The following KCNQ1 variants were observed in gnomAD, a reference collection of about 807,000 sequenced individuals.
The protein encoded by KCNQ1 is potassium voltage-gated channel subfamily KQT member 1.
Under a neutral mutation model 72.4 loss-of-function variants are expected in KCNQ1, and 49 were observed. The ratio of observed to expected loss-of-function variants is 0.68; its 90% CI spans 0.54 to 0.86. KCNQ1 has a LOEUF of 0.86. Among genes scored for constraint, KCNQ1 ranks in the 40% least tolerant of loss-of-function variants. The pLI is 0.00. For missense variants in KCNQ1, 790 were observed against 945.1 expected (o/e 0.84, Z 2.15); for synonymous variants, 450 against 412.6 (o/e 1.09, Z -1.10).
At position 2,745,982 on chromosome 11, in the gene KCNQ1, C is replaced by T. The variant is rs1452982898; in HGVS notation, c.1515-22862C>T. 2.0e-5 allele frequency among the ~76,000 whole-genome samples: 3 copies of T among 152,174 alleles called. No homozygotes were observed. The highest frequency in any genetic ancestry group is 6.5e-5 in the Admixed American group (1 of 15,286). On this transcript the variant is annotated intron_variant, in intron 11 of 15. Coordinates refer to ENST00000155840, the MANE Select transcript of KCNQ1 (RefSeq NM_000218.3). This position sits in a 1 kb window ranked among gnomAD's most constrained non-coding sequence, Gnocchi z 6.2. ...TCGGCTCACTGCAAACTCCACCTCC[C>T]GGGTTCAAGCGATTGTCTCACCTCA... is the stretch of plus-strand genomic sequence containing the variant.
intron 15 of KCNQ1, among the ~76,000 whole-genome samples, chr11:2,822,616 G>A (rs1292825893): frequency 1.3e-5 from 2 of 152,226 alleles, no homozygotes; most frequent in Non-Finnish European, 2.9e-5. Context: ...TAAGTGGAGA[G>A]GTGGGATAGT....
chr11:2,714,304 C>G (rs2411884), intron 11 of KCNQ1, among the ~76,000 whole-genome samples: 59,892 of 152,244 alleles, frequency 0.39, 12,941 homozygotes, highest in East Asian at 0.77. Context: ...GGTCAGCCCC[C>G]TCCCAGGCCC....
At chr11:2,716,739 C>T (rs1851099485) in intron 11 of KCNQ1, among the ~76,000 whole-genome samples, 1 of 152,232 alleles carries the variant, frequency 6.6e-6, no homozygotes, top group African/African-American at 2.4e-5. Context: ...GGTGCTTCTC[C>T]TTCAGGAGGT....
In KCNQ1 at chr11:2,549,820, G is replaced by A. The variant is rs1171382145; in HGVS notation, c.478-20808G>A. Among the ~76,000 whole-genome samples the A allele has an allele frequency of 6.6e-6, 1 of 152,092 alleles. No individual in the cohort carries two copies. The highest frequency in any genetic ancestry group is 2.4e-5 in the African/African-American group (1 of 41,410). ...CCTATGCGCCTCCTTCCCCATGACT[G>A]GCCCTGGGTGGCGGAGAGACCCCTG... is the stretch of plus-strand genomic sequence containing the variant. On this transcript the variant is annotated intron_variant, in intron 2 of 15. Transcript: ENST00000155840. This position sits in a 1 kb window ranked among gnomAD's most constrained non-coding sequence, Gnocchi z 6.2.
At position 2,627,232 on chromosome 11, in the gene KCNQ1, A is replaced by T. The variant is rs1849275417; in HGVS notation, c.1394-34729A>T. The T allele has an allele frequency of 1.3e-5, 5 of 398,564 alleles. No homozygotes were observed. In the East Asian group the frequency reaches 1.8e-4, roughly 14 times the overall value. The allele number at this position is 398,564 out of a possible 1,614,324, so 24.7% of individuals were successfully genotyped here. A position where few individuals can be genotyped will look rare whatever the true frequency, so the allele number is the denominator to read the frequency against. ...AAATTAAAAGTGCATATATTTAAGAACATATTTGACCTACTGTGAAATGAT... is the reference window on the plus strand; with the variant it reads ...AAATTAAAAGTGCATATATTTAAGATCATATTTGACCTACTGTGAAATGAT... On this transcript the variant is annotated intron_variant, in intron 10 of 15. Coordinates refer to ENST00000155840, the MANE Select transcript of KCNQ1 (RefSeq NM_000218.3). The surrounding 1 kb of genome is among the most constrained non-coding windows in gnomAD (Gnocchi z 4.9).
Position 2,544,471 on chromosome 11 carries a change from A to G in KCNQ1, c.477+16453A>G, listed in dbSNP as rs1197295802. 2.0e-5 allele frequency among the ~76,000 whole-genome samples: 3 copies of G among 151,872 alleles called. No individual in the cohort carries two copies. Among genetic ancestry groups the G allele is most frequent in the Admixed American group, 6.6e-5 (1 of 15,236 alleles). ...GTTATATATCTCTTATAAGGGTTAT[A>G]TATCTCATATACATATGAGGTTATA... On this transcript the variant is annotated intron_variant, in intron 2 of 15. Coordinates refer to ENST00000155840, the MANE Select transcript of KCNQ1 (RefSeq NM_000218.3). This position sits in a 1 kb window ranked among gnomAD's most constrained non-coding sequence, Gnocchi z 4.4.
At position 2,450,397 on chromosome 11, in the gene KCNQ1, TCTG is replaced by T. The variant is rs1846105129; in HGVS notation, c.386+4920_386+4922del. Among the ~76,000 whole-genome samples the T allele has an allele frequency of 6.6e-6, 1 of 152,086 alleles. No homozygotes were observed. The highest frequency in any genetic ancestry group is 6.5e-5 in the Admixed American group (1 of 15,290). ...CAGAGAAGCTTCCAGAAGCCCAACA[TCTG>T]CTGCTGGAGGGGAGAATGAGGCAAT... On this transcript the variant is annotated intron_variant, in intron 1 of 15. Coordinates refer to ENST00000155840, the MANE Select transcript of KCNQ1 (RefSeq NM_000218.3). This position sits in a 1 kb window ranked among gnomAD's most constrained non-coding sequence, Gnocchi z 7.9.
chr11:2,774,421 T>C (rs778445263), intron 12 of KCNQ1, among the ~76,000 whole-genome samples: 3 of 151,888 alleles, frequency 2.0e-5, no homozygotes, highest in Non-Finnish European at 4.4e-5. Flanking sequence ...ACGGGCCCCA[T>C]CCCAGCCCTC....
At chr11:2,847,469 AAGG>A (rs1298890592) in intron 15 of KCNQ1, among the ~76,000 whole-genome samples, 2 of 152,296 alleles carry the variant, frequency 1.3e-5, no homozygotes, top group African/African-American at 4.8e-5. Context: ...GGGAGCAGAG[AAGG>A]AGGAGAGGAG....
chr11:2,697,930 A>G (rs1423559194), intron 11 of KCNQ1: 15 of 398,652 alleles, frequency 3.8e-5, no homozygotes, highest in Non-Finnish European at 5.3e-5. Flanking sequence ...TCTCCTCAGC[A>G]TGTTAGGAAA....
In KCNQ1 at chr11:2,781,743, G is replaced by A. The variant is rs1846826255; in HGVS notation, c.1794+3706G>A. On this transcript the variant is annotated intron_variant, in intron 15 of 15. Transcript: ENST00000155840. The surrounding 1 kb of genome is among the most constrained non-coding windows in gnomAD (Gnocchi z 6.6). ...CATACTGCTTTTGCTGATATGAGGA[G>A]CACAGTGGGCTGGGAGAGTTTCTTT... 1.3e-5 allele frequency among the ~76,000 whole-genome samples: 2 copies of A among 152,364 alleles called. No individual in the cohort carries two copies. The highest frequency in any genetic ancestry group is 4.1e-4 in the South Asian group (2 of 4,832).
chr11:2,847,383 C>A (rs1399059601), intron 15 of KCNQ1, among the ~76,000 whole-genome samples: 1 of 152,228 alleles, frequency 6.6e-6, no homozygotes, highest in Admixed American at 6.5e-5. Flanking sequence ...CTGCCGCAAA[C>A]CCAAATATTT....
intron 1 of KCNQ1, among the ~76,000 whole-genome samples, chr11:2,520,360 G>T (rs1048602818): frequency 6.6e-6 from 1 of 152,216 alleles, no homozygotes; most frequent in Non-Finnish European, 1.5e-5. Flanking sequence ...GGGGCCCTCG[G>T]TGTGGGCCAG....
At position 2,847,874 on chromosome 11, in the gene KCNQ1, C is replaced by T. The variant is rs774046442; in HGVS notation, c.1902C>T (p.Gly634=). ...GCAGCGGCGGCCCCCCCAGAGAGGG[C>T]GGGGCCCACATCACCCAGCCCTGCG... The part of the protein sequence containing the change: ...TPGSGGPPRE[G]GAHITQPCGS... The change falls in exon 16 of 16, where the codon GGC becomes GGT. Residue 634 remains glycine (G), a synonymous_variant. Coordinates refer to ENST00000155840, the MANE Select transcript of KCNQ1 (RefSeq NM_000218.3). The T allele has an allele frequency of 1.7e-5, 27 of 1,578,828 alleles. No homozygotes were observed. Among genetic ancestry groups the T allele is most frequent in the East Asian group, 7.0e-5 (3 of 42,810 alleles).
At chr11:2,728,681 G>C (rs934151795) in intron 11 of KCNQ1, among the ~76,000 whole-genome samples, 10 of 152,208 alleles carry the variant, frequency 6.6e-5, no homozygotes, top group Non-Finnish European at 1.2e-4. Context: ...TTGGGCATGG[G>C]GTTCTGCTGG....
rs1158677239 is a variant in KCNQ1 at position 2,748,409 on chromosome 11, G to C, written c.1515-20435G>C. Among the ~76,000 whole-genome samples, 3 of 152,172 alleles carry C rather than the reference G, an allele frequency of 2.0e-5. No individual in the cohort carries two copies. The highest frequency in any genetic ancestry group is 4.4e-5 in the Non-Finnish European group (3 of 68,024). ...TGGGTAGATGTGGTGAGGTGTGCTG[G>C]TGGGGAGGGTCCCTATCAGATGCCC... On this transcript the variant is annotated intron_variant, in intron 11 of 15. Coordinates refer to ENST00000155840, the MANE Select transcript of KCNQ1 (RefSeq NM_000218.3). This position sits in a 1 kb window ranked among gnomAD's most constrained non-coding sequence, Gnocchi z 6.2.
At position 2,657,183 on chromosome 11, in the gene KCNQ1, G is replaced by A. The variant is rs909076677; in HGVS notation, c.1394-4778G>A. The A allele has an allele frequency of 7.5e-6, 3 of 398,636 alleles. No homozygotes were observed. Among genetic ancestry groups the A allele is most frequent in the Non-Finnish European group, 1.3e-5 (3 of 226,062 alleles). 24.7% of individuals were successfully genotyped at this position (398,636 alleles called of 1,614,324 possible). ...GTTCTCCCACCTTGTTCTTCTTCAA[G>A]AATATTGCCAATTCTTGGCTTTTTG... On this transcript the variant is annotated intron_variant, in intron 10 of 15. Transcript: ENST00000155840. This position sits in a 1 kb window ranked among gnomAD's most constrained non-coding sequence, Gnocchi z 4.8.
Position 2,536,337 on chromosome 11 carries a change from C to G in KCNQ1, c.477+8319C>G, listed in dbSNP as rs954638289. On this transcript the variant is annotated intron_variant, in intron 2 of 15. Transcript: ENST00000155840. This position sits in a 1 kb window ranked among gnomAD's most constrained non-coding sequence, Gnocchi z 7.4. The stretch of plus-strand genomic sequence containing the variant: ...CTGCCTGCGGCTCTTACAGGAGTCT[C>G]TCGTGCACCATTGCTCAACCCCCGA... 6.6e-6 allele frequency among the ~76,000 whole-genome samples: 1 copy of G among 152,116 alleles called. No homozygotes were observed. Among genetic ancestry groups the G allele is most frequent in the East Asian group, 1.9e-4 (1 of 5,180 alleles).
intron 10 of KCNQ1, chr11:2,628,857 T>C (rs914155435): frequency 1.3e-5 from 5 of 398,318 alleles, no homozygotes; most frequent in East Asian, 7.1e-5. Flanking sequence ...CACAGTGCCA[T>C]TTATTCAAGA....
Sources: allele counts gnomAD v4.1 joint callset (sites outside exome capture counted in the v4.1 genomes callset), GRCh38; gene constraint gnomAD v4.1.1; non-coding constraint Gnocchi (gnomAD v3.1); transcripts MANE v1.5; gene names NCBI Gene and HGNC (gene_info 2026-07-23, HGNC 2026-07-21).